CDKAL1: variants seen among roughly 807,000 people sequenced by gnomAD.
The protein encoded by CDKAL1 is CDKAL1 threonylcarbamoyladenosine tRNA methylthiotransferase, also known as threonylcarbamoyladenosine tRNA methylthiotransferase.
In CDKAL1, 32 loss-of-function variants were observed where a neutral mutation model predicts 68.2. That is an observed-to-expected ratio of 0.47 (90% CI 0.35 to 0.63). CDKAL1 has a LOEUF of 0.63. Ranked by LOEUF, CDKAL1 falls within the 30% of genes least tolerant of loss-of-function variation. CDKAL1 has a pLI of 0.00. For synonymous variants in CDKAL1, 234 were observed against 244.3 expected (o/e 0.96, Z 0.39); for missense variants, 606 against 696.7 (o/e 0.87, Z 1.47).
At chr6:20,648,353 C>T (rs112296052) in intron 4 of CDKAL1, among the ~76,000 whole-genome samples, 1 of 151,988 alleles carries the variant, frequency 6.6e-6, no homozygotes, top group African/African-American at 2.4e-5. Flanking sequence ...TGGTCTTGAA[C>T]TACGGACCTC....
intron 13 of CDKAL1, among the ~76,000 whole-genome samples, chr6:21,114,813 T>C (rs372737563): frequency 6.6e-6 from 1 of 152,210 alleles, no homozygotes. Context: ...TTAAGTAGTG[T>C]ATCAGGACAA....
intron 9 of CDKAL1, among the ~76,000 whole-genome samples, chr6:20,912,665 G>A (rs1050989275): frequency 1.3e-5 from 2 of 152,048 alleles, no homozygotes; most frequent in Non-Finnish European, 2.9e-5. Context: ...AACTTTTTCA[G>A]TGTTAATCTT....
At chr6:21,142,073 C>T (rs1408113937) in intron 13 of CDKAL1, among the ~76,000 whole-genome samples, 1 of 152,020 alleles carries the variant, frequency 6.6e-6, no homozygotes, top group South Asian at 2.1e-4. Flanking sequence ...ATTTAAATAG[C>T]TGGTCCTCAG....
intron 12 of CDKAL1, among the ~76,000 whole-genome samples, chr6:21,066,889 G>A (rs956223739): frequency 5.9e-5 from 9 of 152,180 alleles, no homozygotes; most frequent in Admixed American, 4.6e-4. Flanking sequence ...GTCTCCGAAA[G>A]TGCCAGTATT....
intron 5 of CDKAL1, among the ~76,000 whole-genome samples, chr6:20,737,868 ACT>A (rs1773266884): frequency 1.3e-5 from 2 of 152,150 alleles, no homozygotes; most frequent in Admixed American, 1.3e-4. Context: ...AGTATTTTGT[ACT>A]CTGTCTATTC....
chr6:20,957,156 A>T (rs913489017), intron 10 of CDKAL1, among the ~76,000 whole-genome samples: 1 of 152,158 alleles, frequency 6.6e-6, no homozygotes, highest in Admixed American at 6.6e-5. Context: ...CATCAATATA[A>T]GGTTTATGAT....
At chr6:20,596,266 G>T (rs1049488591) in intron 4 of CDKAL1, among the ~76,000 whole-genome samples, 3 of 152,178 alleles carry the variant, frequency 2.0e-5, no homozygotes, top group African/African-American at 4.8e-5. Flanking sequence ...GCCCACAGCT[G>T]CCCCTTCCCC....
chr6:20,870,784 G>T lies in CDKAL1; in HGVS notation c.742+24606G>T, dbSNP rs77868207. Reference sequence around the variant, plus strand: ...TCAATTGAAATTGAAAGTGTCAATTGTTTCAACATGTAAATAATAATTCTT... The same window carrying T: ...TCAATTGAAATTGAAAGTGTCAATTTTTTCAACATGTAAATAATAATTCTT... On this transcript the variant is annotated intron_variant, in intron 9 of 15. Transcript: ENST00000274695. Among the ~76,000 whole-genome samples, 26 of 152,238 alleles carry T rather than the reference G, an allele frequency of 1.7e-4. No homozygotes were observed. In the East Asian group the frequency reaches 5.0e-3, roughly 29 times the overall value.
intron 9 of CDKAL1, among the ~76,000 whole-genome samples, chr6:20,930,716 T>A (rs1763401661): frequency 6.6e-6 from 1 of 151,372 alleles, no homozygotes; most frequent in African/African-American, 2.4e-5. Flanking sequence ...AATGTTTACA[T>A]TAACTTTATG....
chr6:20,756,490 C>T (rs901816768), intron 6 of CDKAL1, among the ~76,000 whole-genome samples: 27 of 152,128 alleles, frequency 1.8e-4, no homozygotes, highest in Non-Finnish European at 3.7e-4. Context: ...TCTTTGAAAT[C>T]TTTGTTCTGC....
At chr6:21,148,903 A>G (rs115335528) in intron 13 of CDKAL1, among the ~76,000 whole-genome samples, 2,227 of 152,316 alleles carry the variant, frequency 0.015, 50 homozygotes, top group African/African-American at 0.051. Flanking sequence ...AAACTGTATG[A>G]AGTGAAGACT....
At chr6:20,877,557 A>C (rs553833299) in intron 9 of CDKAL1, among the ~76,000 whole-genome samples, 4 of 152,324 alleles carry the variant, frequency 2.6e-5, no homozygotes, top group Admixed American at 2.6e-4. Flanking sequence ...CTAGTGACTC[A>C]CTGTGTATTA....
At chr6:20,919,856 A>G (rs1266604296) in intron 9 of CDKAL1, among the ~76,000 whole-genome samples, 2 of 152,170 alleles carry the variant, frequency 1.3e-5, no homozygotes, top group East Asian at 3.9e-4. Flanking sequence ...AATGTAACCT[A>G]GATTCCACCA....
At chr6:20,660,054 A>G (rs1407372849) in intron 5 of CDKAL1, among the ~76,000 whole-genome samples, 1 of 151,958 alleles carries the variant, frequency 6.6e-6, no homozygotes, top group Non-Finnish European at 1.5e-5. Context: ...CCCACCCCAC[A>G]TTAATCCCAC....
At chr6:20,807,232 T>TG (rs1399247423) in intron 8 of CDKAL1, among the ~76,000 whole-genome samples, 1 of 152,180 alleles carries the variant, frequency 6.6e-6, no homozygotes, top group Non-Finnish European at 1.5e-5. Flanking sequence ...ATTGATTTTT[T>TG]TTTTTTTTGA....
intron 7 of CDKAL1, among the ~76,000 whole-genome samples, chr6:20,759,598 A>G (rs1433022419): frequency 6.6e-6 from 1 of 152,188 alleles, no homozygotes; most frequent in Non-Finnish European, 1.5e-5. Flanking sequence ...TTATCACATA[A>G]TTAGGTTGTT....
intron 8 of CDKAL1, among the ~76,000 whole-genome samples, chr6:20,842,257 T>G (rs1778201709): frequency 6.6e-6 from 1 of 152,224 alleles, no homozygotes; most frequent in Non-Finnish European, 1.5e-5. Context: ...GCATGGCTTT[T>G]TTCTGTGTAT....
intron 13 of CDKAL1, among the ~76,000 whole-genome samples, chr6:21,116,856 A>G (rs1355576793): frequency 6.6e-6 from 1 of 152,202 alleles, no homozygotes; most frequent in Non-Finnish European, 1.5e-5. Flanking sequence ...CTGTGTTTCA[A>G]CTGTCATTGG....
chr6:20,731,006 C>T (rs1772900245), intron 5 of CDKAL1, among the ~76,000 whole-genome samples: 1 of 152,080 alleles, frequency 6.6e-6, no homozygotes, highest in Non-Finnish European at 1.5e-5. Context: ...AAGAATGTAT[C>T]AGTGGAGAAA....
Sources: gnomAD v4.1 joint callset for allele counts (sites outside exome capture counted in the v4.1 genomes callset) on GRCh38, gnomAD v4.1.1 for gene constraint, MANE v1.5 for transcripts, NCBI Gene and HGNC (gene_info 2026-07-23, HGNC 2026-07-21) for gene names.